KCNMA1: variants seen among roughly 807,000 people sequenced by gnomAD.
KCNMA1 encodes the protein potassium calcium-activated channel subfamily M alpha 1.
KCNMA1 carries 29 observed loss-of-function variants against 140.0 expected under a neutral mutation model. That is an observed-to-expected ratio of 0.21 (90% CI 0.15 to 0.28). KCNMA1 has a LOEUF of 0.28. Ranked by LOEUF, KCNMA1 falls within the 10% of genes least tolerant of loss-of-function variation. The pLI is 1.00. For missense variants in KCNMA1, 880 were observed against 1,602.2 expected, an observed-to-expected ratio of 0.55 and a Z score of 7.70; for synonymous variants, 612 against 611.9, an observed-to-expected ratio of 1.00 and a Z score of 0.00.
At chr10:77,467,541 C>A (rs1018022196) in intron 1 of KCNMA1, among the ~76,000 whole-genome samples, 1 of 152,200 alleles carries the variant, frequency 6.6e-6, no homozygotes, top group African/African-American at 2.4e-5. Flanking sequence ...TATGTCACAG[C>A]ATCACAGTTG....
At chr10:77,380,521 T>C (rs1441928211) in intron 2 of KCNMA1, among the ~76,000 whole-genome samples, 1 of 152,200 alleles carries the variant, frequency 6.6e-6, no homozygotes, top group Non-Finnish European at 1.5e-5. Flanking sequence ...TCTTGCATTA[T>C]TTTCTTGGTC....
chr10:77,406,346 C>T (rs1444942694), intron 1 of KCNMA1, among the ~76,000 whole-genome samples: 4 of 152,108 alleles, frequency 2.6e-5, no homozygotes, highest in Admixed American at 6.5e-5. Flanking sequence ...GTACTGCCAG[C>T]CCCTCAGGCA....
chr10:77,210,902 A>G (rs540213923), intron 3 of KCNMA1, among the ~76,000 whole-genome samples: 2 of 152,358 alleles, frequency 1.3e-5, no homozygotes, highest in East Asian at 3.9e-4. Flanking sequence ...ACACTGCTGA[A>G]AGAAGTCAGA....
chr10:77,076,408 C>T (rs1337297189), intron 13 of KCNMA1, among the ~76,000 whole-genome samples: 1 of 152,132 alleles, frequency 6.6e-6, no homozygotes, highest in Non-Finnish European at 1.5e-5. Flanking sequence ...AAAAGATGGC[C>T]AGCATGAAAG....
intron 1 of KCNMA1, among the ~76,000 whole-genome samples, chr10:77,420,093 T>C (rs948660945): frequency 2.6e-5 from 4 of 152,244 alleles, no homozygotes; most frequent in Non-Finnish European, 5.9e-5. Flanking sequence ...CGCAGGGCCC[T>C]GGCCATCAGT....
chr10:76,878,332 G>A (rs756747078), intron 29 of KCNMA1, among the ~76,000 whole-genome samples: 1 of 152,122 alleles, frequency 6.6e-6, no homozygotes, highest in South Asian at 2.1e-4. Flanking sequence ...TTGCTGCAGA[G>A]CGAGTGATCC....
At chr10:77,084,118 G>A (rs970054353) in intron 12 of KCNMA1, among the ~76,000 whole-genome samples, 4 of 151,960 alleles carry the variant, frequency 2.6e-5, no homozygotes, top group African/African-American at 4.8e-5. Context: ...TAACATTCTG[G>A]GCCAGACAAT....
At chr10:77,616,155 T>C (rs781386330) in intron 1 of KCNMA1, among the ~76,000 whole-genome samples, 3 of 152,116 alleles carry the variant, frequency 2.0e-5, no homozygotes, top group Non-Finnish European at 4.4e-5. Flanking sequence ...AAAATGAACA[T>C]TCAAAATGTT....
chr10:77,336,916 G>T (rs1428898265), intron 2 of KCNMA1, among the ~76,000 whole-genome samples: 1 of 152,240 alleles, frequency 6.6e-6, no homozygotes, highest in Admixed American at 6.5e-5. Flanking sequence ...GCATTGTGAA[G>T]GTCAAGAATG....
chr10:76,931,372 T>C (rs553372432), intron 23 of KCNMA1, among the ~76,000 whole-genome samples: 1 of 152,066 alleles, frequency 6.6e-6, no homozygotes, highest in African/African-American at 2.4e-5. Context: ...TATATAAATA[T>C]TTATGTGTCT....
chr10:77,394,237 G>A (rs2095950590), intron 2 of KCNMA1, among the ~76,000 whole-genome samples: 1 of 152,226 alleles, frequency 6.6e-6, no homozygotes, highest in Admixed American at 6.5e-5. Context: ...TCCTCACTCT[G>A]GAGCCAACTG....
intron 15 of KCNMA1, 130 bp downstream of exon 15, chr10:77,039,398 C>T (rs1357137452): frequency 5.7e-5 from 41 of 713,890 alleles, no homozygotes; most frequent in Middle Eastern, 4.7e-4. Context: ...CACATGGGGC[C>T]GAGCACACGG....
chr10:77,008,471 G>A (rs919708230), intron 18 of KCNMA1, among the ~76,000 whole-genome samples: 6 of 152,204 alleles, frequency 3.9e-5, no homozygotes, highest in Admixed American at 3.9e-4. Context: ...AGCTGAATTT[G>A]ACTCTTTTCC....
At chr10:77,081,819 T>G (rs1173838645) in intron 12 of KCNMA1, among the ~76,000 whole-genome samples, 1 of 151,998 alleles carries the variant, frequency 6.6e-6, no homozygotes, top group Admixed American at 6.5e-5. Context: ...TTTGACATTT[T>G]AATTTCAAAG....
intron 1 of KCNMA1, among the ~76,000 whole-genome samples, chr10:77,445,110 G>A (rs535950200): frequency 1.7e-4 from 26 of 152,160 alleles, no homozygotes; most frequent in Admixed American, 3.9e-4. Context: ...ACCCAGCAGC[G>A]TTTAGAGATG....
Position 77,477,564 on chromosome 10 carries a change from T to G in KCNMA1, c.379-73541A>C, listed in dbSNP as rs571142052. Among the ~76,000 whole-genome samples the G allele has an allele frequency of 5.3e-5, 8 of 152,310 alleles. 1 individual carries two copies. Among genetic ancestry groups the G allele is most frequent in the Middle Eastern group, 3.4e-3 (1 of 294 alleles). Reference sequence around the variant, plus strand: ...TGTTAAAAAAGATCCTGAAGTTGCATCTTGGCTTGGCTAGAAAGAACATCC... The same window carrying G: ...TGTTAAAAAAGATCCTGAAGTTGCAGCTTGGCTTGGCTAGAAAGAACATCC... On this transcript the variant is annotated intron_variant, in intron 1 of 27. Coordinates refer to ENST00000286628, the MANE Select transcript of KCNMA1 (RefSeq NM_001161352.2).
intron 13 of KCNMA1, among the ~76,000 whole-genome samples, chr10:77,073,879 G>A (rs936104525): frequency 3.9e-5 from 6 of 152,144 alleles, no homozygotes; most frequent in Non-Finnish European, 5.9e-5. Flanking sequence ...TCACAGTGTC[G>A]ACGTTTCCAA....
chr10:77,443,512 AGAC>A (rs2097455555), intron 1 of KCNMA1, among the ~76,000 whole-genome samples: 1 of 152,008 alleles, frequency 6.6e-6, no homozygotes, highest in Non-Finnish European at 1.5e-5. Context: ...TGAAGTTCAG[AGAC>A]CCCAGCACAC....
intron 5 of KCNMA1, among the ~76,000 whole-genome samples, chr10:77,126,245 G>A (rs2097729866): frequency 6.6e-6 from 1 of 152,232 alleles, no homozygotes; most frequent in Middle Eastern, 3.4e-3. Context: ...GGAATTACAT[G>A]CCCTCCCCAA....
Sources: gnomAD v4.1 joint callset for allele counts (sites outside exome capture counted in the v4.1 genomes callset) on GRCh38, gnomAD v4.1.1 for gene constraint, MANE v1.5 for transcripts, NCBI Gene and HGNC (gene_info 2026-07-23, HGNC 2026-07-21) for gene names.